Variants in KLHL4 observed in about 807,000 individuals in gnomAD.
KLHL4 encodes the protein kelch-like protein 4.
In KLHL4, 17 loss-of-function variants were observed where a neutral mutation model predicts 45.8. That is an observed-to-expected ratio of 0.37 (90% CI 0.25 to 0.56). The LOEUF (loss-of-function observed/expected upper bound fraction) is 0.56. Ranked by LOEUF, KLHL4 falls within the 20% of genes least tolerant of loss-of-function variation. KLHL4 has a pLI of 0.79. For missense variants in KLHL4, 544 were observed against 544.9 expected (o/e 1.00, Z 0.02); for synonymous variants, 224 against 189.9 (o/e 1.18, Z -1.47).
chrX:87,632,062 G>T, intron 6 of KLHL4, 148 bp from the exon 7 acceptor site: 1 of 420,754 alleles, frequency 2.4e-6, no homozygotes, highest in Non-Finnish European at 4.2e-6. Flanking sequence ...CTCCCAGGTT[G>T]TAGAATTACC....
intron 1 of KLHL4, among the ~76,000 whole-genome samples, chrX:87,518,996 A>G (rs1336263593): frequency 1.8e-5 from 2 of 111,799 alleles, no homozygotes; most frequent in Non-Finnish European, 3.8e-5. Context: ...GTGACGATAT[A>G]GTGTAGTTTG....
At chrX:87,583,017 T>G (rs1921336546) in intron 1 of KLHL4, among the ~76,000 whole-genome samples, 1 of 111,545 alleles carries the variant, frequency 9.0e-6, no homozygotes, top group Admixed American at 9.5e-5. Flanking sequence ...TCCTGCTGAT[T>G]GGTGCATTTT....
At chrX:87,652,554 CTT>C (rs1222891500) in intron 9 of KLHL4, among the ~76,000 whole-genome samples, 1 of 112,151 alleles carries the variant, frequency 8.9e-6, no homozygotes, top group Non-Finnish European at 1.9e-5. Flanking sequence ...CTGCCAGTCT[CTT>C]TGCTAAAACA....
chrX:87,554,057 G>C (rs6521939), intron 1 of KLHL4, among the ~76,000 whole-genome samples: 22,278 of 100,392 alleles, frequency 0.22, 2,711 homozygotes, highest in East Asian at 0.48. Flanking sequence ...TGAGGGCTCT[G>C]TTCTGTTCCA....
At chrX:87,637,282 G>A (rs971074193) in intron 9 of KLHL4, among the ~76,000 whole-genome samples, 2 of 111,594 alleles carry the variant, frequency 1.8e-5, no homozygotes, top group African/African-American at 6.5e-5. Flanking sequence ...AGGGGAAAGG[G>A]GAGAGCACCA....
intron 1 of KLHL4, among the ~76,000 whole-genome samples, chrX:87,597,518 A>G (rs1361571619): frequency 1.8e-5 from 2 of 111,700 alleles, no homozygotes; most frequent in African/African-American, 3.2e-5. Flanking sequence ...TGTTTCCAAT[A>G]TTCAGAAAGT....
chrX:87,629,339 A>G (rs1313121410), intron 6 of KLHL4, among the ~76,000 whole-genome samples: 2 of 111,788 alleles, frequency 1.8e-5, no homozygotes, highest in African/African-American at 6.5e-5. Flanking sequence ...TAAAGCAGCT[A>G]GAGAATATAC....
intron 6 of KLHL4, 54 bp from the exon 7 acceptor site, chrX:87,632,156 A>G: frequency 1.3e-6 from 1 of 757,756 alleles, no homozygotes. Flanking sequence ...AATAATACCA[A>G]TTCAAAATTT....
intron 1 of KLHL4, among the ~76,000 whole-genome samples, chrX:87,590,004 C>T (rs1237079737): frequency 9.6e-6 from 1 of 104,548 alleles, no homozygotes; most frequent in Non-Finnish European, 2.0e-5. Context: ...TGCCATTGCA[C>T]TCCAGCCTGA....
rs759569454 is a variant in KLHL4 at position 87,664,746 on chromosome X, C to T, written c.1926-18C>T. The T allele has an allele frequency of 8.7e-7, 1 of 1,150,726 alleles. No individual in the cohort carries two copies. Among genetic ancestry groups the T allele is most frequent in the Non-Finnish European group, 1.2e-6 (1 of 856,389 alleles). The allele number at this position is 1,150,726 out of a possible 1,213,427, so 94.8% of individuals were successfully genotyped here. On this transcript the variant is annotated intron_variant, in intron 9 of 10. Coordinates refer to ENST00000373119, the MANE Select transcript of KLHL4 (RefSeq NM_019117.5). ...CTATTGGACTTTTCCTCCCAATTATCTTTCTAAATCCTTTAAGGTATGATC... is the reference window on the plus strand; with the variant it reads ...CTATTGGACTTTTCCTCCCAATTATTTTTCTAAATCCTTTAAGGTATGATC...
At chrX:87,532,149 T>C (rs926125009) in intron 1 of KLHL4, among the ~76,000 whole-genome samples, 2 of 109,472 alleles carry the variant, frequency 1.8e-5, no homozygotes, top group African/African-American at 6.6e-5. Flanking sequence ...GCTTTCTACA[T>C]ATGGCTAGCC....
At chrX:87,612,965 AT>A (rs1922432000) in intron 1 of KLHL4, among the ~76,000 whole-genome samples, 1 of 111,619 alleles carries the variant, frequency 9.0e-6, no homozygotes, top group African/African-American at 3.3e-5. Flanking sequence ...TTTTTGAGCT[AT>A]TCATACCATG....
At chrX:87,539,326 C>T (rs1602405907) in intron 1 of KLHL4, among the ~76,000 whole-genome samples, 1 of 110,384 alleles carries the variant, frequency 9.1e-6, no homozygotes, top group Non-Finnish European at 1.9e-5. Context: ...TTTTTGTAAT[C>T]ACTATTTTAA....
At chrX:87,649,698 G>A (rs1005126529) in intron 9 of KLHL4, among the ~76,000 whole-genome samples, 16 of 111,211 alleles carry the variant, frequency 1.4e-4, no homozygotes, top group African/African-American at 4.6e-4. Context: ...GTTCTTTATT[G>A]AGTAAAGATT....
intron 6 of KLHL4, among the ~76,000 whole-genome samples, chrX:87,627,267 G>A (rs1175718831): frequency 9.0e-6 from 1 of 110,671 alleles, no homozygotes; most frequent in Non-Finnish European, 1.9e-5. Context: ...AGGGAGTGGA[G>A]GAAAGAAAAC....
intron 9 of KLHL4, among the ~76,000 whole-genome samples, chrX:87,657,815 T>G (rs1273789166): frequency 9.0e-6 from 1 of 111,577 alleles, no homozygotes; most frequent in Non-Finnish European, 1.9e-5. Context: ...TGGGGTAAAA[T>G]TTTGATGGGG....
intron 1 of KLHL4, among the ~76,000 whole-genome samples, chrX:87,610,996 C>A (rs902169140): frequency 3.6e-5 from 4 of 111,073 alleles, no homozygotes; most frequent in Admixed American, 9.6e-5. Flanking sequence ...ATCGCTTGAA[C>A]CCAGGAGGCA....
Position 87,604,269 on chromosome X carries a change from ATCC to A in KLHL4, c.423-9606_423-9604del, listed in dbSNP as rs1190225049. Reference sequence around the variant, plus strand: ...GTATACCCAGTAGTGGGATTGAAAGATCCTATGGTATCTATCAGTCACATAGGT... The same window carrying A: ...GTATACCCAGTAGTGGGATTGAAAGATATGGTATCTATCAGTCACATAGGT... On this transcript the variant is annotated intron_variant, in intron 1 of 10. Transcript: ENST00000373119. Among the ~76,000 whole-genome samples, 4 of 110,496 alleles carry A rather than the reference ATCC, an allele frequency of 3.6e-5. No homozygotes were observed. In the East Asian group the frequency reaches 1.1e-3, roughly 31 times the overall value.
intron 1 of KLHL4, among the ~76,000 whole-genome samples, chrX:87,543,024 C>T (rs955349491): frequency 9.0e-6 from 1 of 110,772 alleles, no homozygotes; most frequent in Non-Finnish European, 1.9e-5. Flanking sequence ...AGGGAGTTAT[C>T]GGGAGATGAT....
Sources: gnomAD v4.1 joint callset for allele counts (sites outside exome capture counted in the v4.1 genomes callset) on GRCh38, gnomAD v4.1.1 for gene constraint, MANE v1.5 for transcripts, NCBI Gene and HGNC (gene_info 2026-07-23, HGNC 2026-07-21) for gene names.